The following ERBB4 variants were observed in gnomAD, a reference collection of about 807,000 sequenced individuals.
ERBB4 encodes the protein receptor tyrosine-protein kinase erbB-4.
Under a neutral mutation model 158.0 loss-of-function variants are expected in ERBB4, and 42 were observed. The ratio of observed to expected loss-of-function variants is 0.27; its 90% CI spans 0.21 to 0.34. The LOEUF (loss-of-function observed/expected upper bound fraction) is 0.34. Among genes scored for constraint, ERBB4 ranks in the 10% least tolerant of loss-of-function variants. ERBB4 has a pLI of 1.00. For synonymous variants in ERBB4, 583 were observed against 558.7 expected (o/e 1.04, Z -0.61); for missense variants, 1,333 against 1,624.1 (o/e 0.82, Z 3.08).
intron 1 of ERBB4, among the ~76,000 whole-genome samples, chr2:212,423,241 T>C (rs1202274382): frequency 1.3e-5 from 2 of 152,140 alleles, no homozygotes; most frequent in African/African-American, 4.8e-5. Flanking sequence ...ATTAGTCATA[T>C]GGGCTGAAAA....
chr2:211,497,319 A>G (rs2065493690), intron 20 of ERBB4, among the ~76,000 whole-genome samples: 1 of 152,174 alleles, frequency 6.6e-6, no homozygotes. Context: ...ATAGTGGCAA[A>G]GTGTAACATT....
chr2:211,471,987 G>A (rs1294838155), intron 20 of ERBB4, among the ~76,000 whole-genome samples: 1 of 151,992 alleles, frequency 6.6e-6, no homozygotes, highest in Admixed American at 6.6e-5. Flanking sequence ...TAAAAAAGGG[G>A]GAAAAAAGAT....
At chr2:211,884,953 A>G (rs1420986017) in intron 3 of ERBB4, among the ~76,000 whole-genome samples, 1 of 152,180 alleles carries the variant, frequency 6.6e-6, no homozygotes, top group Non-Finnish European at 1.5e-5. Context: ...AAAAATAGAT[A>G]TTTATGTCTG....
chr2:212,443,516 C>T (rs1436696141), intron 1 of ERBB4, among the ~76,000 whole-genome samples: 1 of 152,182 alleles, frequency 6.6e-6, no homozygotes, highest in Non-Finnish European at 1.5e-5. Flanking sequence ...GGCACAACAC[C>T]TGGTAGGCCT....
chr2:211,982,729 G>A (rs1047209051), intron 2 of ERBB4, among the ~76,000 whole-genome samples: 6 of 152,146 alleles, frequency 3.9e-5, no homozygotes, highest in Admixed American at 3.3e-4. Flanking sequence ...CCACTTCATA[G>A]AGGTCCAAGT....
At chr2:212,364,641 A>G (rs913608022) in intron 1 of ERBB4, among the ~76,000 whole-genome samples, 1 of 151,746 alleles carries the variant, frequency 6.6e-6, no homozygotes, top group Non-Finnish European at 1.5e-5. Context: ...GAGGGCAAAA[A>G]AGTTTTGTGG....
At chr2:211,778,533 C>T (rs1441306530) in intron 4 of ERBB4, 5 of 152,122 alleles carry the variant, frequency 3.3e-5, no homozygotes, top group Admixed American at 6.6e-5. Flanking sequence ...TTGGTACACC[C>T]GATATGGCAT....
intron 1 of ERBB4, among the ~76,000 whole-genome samples, chr2:212,405,611 A>G (rs1249073443): frequency 6.6e-6 from 1 of 152,132 alleles, no homozygotes; most frequent in Non-Finnish European, 1.5e-5. Flanking sequence ...CCTCAGTAGA[A>G]AGAATAACAC....
intron 1 of ERBB4, among the ~76,000 whole-genome samples, chr2:212,190,175 C>T (rs17416848): frequency 0.17 from 26,277 of 152,094 alleles, 2,765 homozygotes; most frequent in Non-Finnish European, 0.23. Flanking sequence ...CTTTGTTATA[C>T]TGAGTCAGCA....
intron 15 of ERBB4, among the ~76,000 whole-genome samples, chr2:211,661,991 A>G (rs1248552288): frequency 2.4e-5 from 3 of 123,340 alleles, no homozygotes; most frequent in African/African-American, 9.1e-5. Flanking sequence ...GTGAGCCGAG[A>G]TCCCGCCACT....
intron 1 of ERBB4, among the ~76,000 whole-genome samples, chr2:212,387,075 A>T: frequency 6.6e-6 from 1 of 152,102 alleles, no homozygotes; most frequent in East Asian, 1.9e-4. Flanking sequence ...TCCTTCTAGT[A>T]TTAAAAATCA....
chr2:211,927,594 A>G (rs1039080845), intron 3 of ERBB4, among the ~76,000 whole-genome samples: 2 of 152,180 alleles, frequency 1.3e-5, no homozygotes, highest in Non-Finnish European at 2.9e-5. Flanking sequence ...CATTAACAGA[A>G]TGCCTTCAAG....
At chr2:211,461,057 C>G (rs1215039437) in intron 20 of ERBB4, among the ~76,000 whole-genome samples, 2 of 149,682 alleles carry the variant, frequency 1.3e-5, no homozygotes, top group South Asian at 2.2e-4. Flanking sequence ...ACTCATTTTT[C>G]TCCTTTTGTA....
intron 20 of ERBB4, among the ~76,000 whole-genome samples, chr2:211,554,826 C>T (rs2067194340): frequency 1.3e-5 from 2 of 152,186 alleles, no homozygotes; most frequent in African/African-American, 4.8e-5. Context: ...TGAACCCATA[C>T]ATGGTAGGGT....
chr2:211,836,254 A>C (rs143810996), intron 3 of ERBB4, among the ~76,000 whole-genome samples: 3 of 152,080 alleles, frequency 2.0e-5, no homozygotes, highest in African/African-American at 7.2e-5. Context: ...CTCAATATAC[A>C]GTTTTACTCA....
At chr2:212,459,691 T>G (rs1389281672) in intron 1 of ERBB4, among the ~76,000 whole-genome samples, 2 of 152,140 alleles carry the variant, frequency 1.3e-5, no homozygotes, top group African/African-American at 4.8e-5. Flanking sequence ...TACTTCAATT[T>G]AATACAAAGC....
intron 20 of ERBB4, among the ~76,000 whole-genome samples, chr2:211,438,163 T>C (rs2063897407): frequency 6.6e-6 from 1 of 152,214 alleles, no homozygotes; most frequent in Admixed American, 6.5e-5. Context: ...ATTTCACCTC[T>C]GCTATAAAAG....
At chr2:211,923,412 A>G (rs1040616605) in intron 3 of ERBB4, among the ~76,000 whole-genome samples, 5 of 152,148 alleles carry the variant, frequency 3.3e-5, no homozygotes, top group Non-Finnish European at 7.3e-5. Flanking sequence ...TGGGAAAATG[A>G]TGACCAAATG....
intron 14 of ERBB4, among the ~76,000 whole-genome samples, chr2:211,672,206 A>G (rs2071870336): frequency 2.0e-5 from 3 of 152,214 alleles, no homozygotes; most frequent in African/African-American, 7.2e-5. Context: ...AAAAATTAAT[A>G]CTATTTAAAT....
Sources: gnomAD v4.1 joint callset for allele counts (sites outside exome capture counted in the v4.1 genomes callset) on GRCh38, gnomAD v4.1.1 for gene constraint, MANE v1.5 for transcripts, NCBI Gene and HGNC (gene_info 2026-07-23, HGNC 2026-07-21) for gene names.